TYW1: variants seen among roughly 807,000 people sequenced by gnomAD.
TYW1 encodes tRNA-yW synthesizing protein 1 homolog.
Under a neutral mutation model 96.2 loss-of-function variants are expected in TYW1, and 46 were observed. The observed-to-expected ratio is 0.48, with a 90% CI of 0.38 to 0.61. The LOEUF (loss-of-function observed/expected upper bound fraction) is 0.61. Among genes scored for constraint, TYW1 ranks in the 20% least tolerant of loss-of-function variants. The probability of loss-of-function intolerance (pLI) is 0.00; values close to 1 mark genes in which losing one functional copy is unlikely to be tolerated. For synonymous variants in TYW1, 274 were observed against 323.0 expected (o/e 0.85, Z 1.63); for missense variants, 684 against 909.6 (o/e 0.75, Z 3.19).
chr7:67,102,800 C>T (rs895508674), intron 12 of TYW1, among the ~76,000 whole-genome samples: 12 of 152,060 alleles, frequency 7.9e-5, no homozygotes, highest in Admixed American at 7.2e-4. Context: ...TACAGGCACC[C>T]ACCACCACAC....
At chr7:67,100,034 A>G (rs1288576042) in intron 12 of TYW1, among the ~76,000 whole-genome samples, 1 of 151,992 alleles carries the variant, frequency 6.6e-6, no homozygotes, top group Non-Finnish European at 1.5e-5. Context: ...AAGGATTGCT[A>G]GGTATGATTG....
At chr7:67,002,011 G>A (rs1320028850) in intron 3 of TYW1, among the ~76,000 whole-genome samples, 1 of 150,712 alleles carries the variant, frequency 6.6e-6, no homozygotes, top group Non-Finnish European at 1.5e-5. Context: ...TCCAGCCTGG[G>A]CAGCAGAGTG....
intron 6 of TYW1, among the ~76,000 whole-genome samples, chr7:67,020,124 C>G (rs1050372204): frequency 6.6e-6 from 1 of 152,276 alleles, no homozygotes; most frequent in African/African-American, 2.4e-5. Context: ...GCCTATAATC[C>G]CAACACTTTG....
chr7:67,009,406 G>C (rs562684182), intron 3 of TYW1, among the ~76,000 whole-genome samples, 177 bp from the exon 4 acceptor site: 1 of 152,178 alleles, frequency 6.6e-6, no homozygotes. Context: ...AATGATCTCT[G>C]TAATGGTGCC....
At chr7:67,042,433 A>T (rs932674197) in intron 7 of TYW1, among the ~76,000 whole-genome samples, 1 of 152,076 alleles carries the variant, frequency 6.6e-6, no homozygotes, top group Non-Finnish European at 1.5e-5. Context: ...TGTTAGGGAG[A>T]CAGATGGAGA....
At position 67,148,570 on chromosome 7, in the gene TYW1, C is replaced by T. The variant is rs200807214; in HGVS notation, c.1698+30952C>T. Reference sequence around the variant, plus strand: ...CCTCCCGAGTAGCTGGGACTACAGGCGCCTGCCACCACGCCCGGCTAATTT... The same window carrying T: ...CCTCCCGAGTAGCTGGGACTACAGGTGCCTGCCACCACGCCCGGCTAATTT... On this transcript the variant is annotated intron_variant, in intron 13 of 15. Transcript: ENST00000359626. 6.1e-4 allele frequency among the ~76,000 whole-genome samples: 93 copies of T among 151,480 alleles called. No individual in the cohort carries two copies. In the East Asian group the frequency reaches 0.014, roughly 24 times the overall value.
At chr7:67,087,003 T>G (rs1796569240) in intron 11 of TYW1, among the ~76,000 whole-genome samples, 1 of 152,192 alleles carries the variant, frequency 6.6e-6, no homozygotes, top group Non-Finnish European at 1.5e-5. Context: ...GAATGAACTG[T>G]GTCTCGGGCA....
intron 15 of TYW1, among the ~76,000 whole-genome samples, chr7:67,222,869 T>C (rs1801440751): frequency 8.7e-6 from 1 of 115,446 alleles, no homozygotes; most frequent in Non-Finnish European, 1.8e-5. Flanking sequence ...TTTTTTTCTT[T>C]TTTTTTTTTT....
At chr7:67,091,167 G>A (rs13225856) in intron 11 of TYW1, among the ~76,000 whole-genome samples, 1 of 151,844 alleles carries the variant, frequency 6.6e-6, no homozygotes, top group East Asian at 1.9e-4. Flanking sequence ...ACCAACCCAA[G>A]TGTCCATCAA....
chr7:67,210,545 T>C (rs560068101), intron 15 of TYW1, among the ~76,000 whole-genome samples: 8 of 152,356 alleles, frequency 5.3e-5, no homozygotes, highest in African/African-American at 1.4e-4. Flanking sequence ...AGAGTATCTA[T>C]GTAAGTTATT....
chr7:67,236,190 C>T (rs1281300109), intron 15 of TYW1, among the ~76,000 whole-genome samples: 1 of 152,142 alleles, frequency 6.6e-6, no homozygotes. Flanking sequence ...GTGAGTTAGA[C>T]AGAGGGAACA....
rs560587352 is a variant in TYW1, at chr7:67,132,061, C to A, written c.1698+14443C>A. 1.1e-3 allele frequency among the ~76,000 whole-genome samples: 163 copies of A among 152,058 alleles called. 1 individual carries two copies. Among genetic ancestry groups the A allele is most frequent in the African/African-American group, 3.7e-3 (154 of 41,406 alleles). ...TTAATCTCCTTTGGCAACACCCTCA[C>A]AGACACACCCAGGAGCAATACTTTG... On this transcript the variant is annotated intron_variant, in intron 13 of 15. Coordinates refer to ENST00000359626, the MANE Select transcript of TYW1 (RefSeq NM_018264.4).
At chr7:67,227,616 G>C (rs1197728984) in intron 15 of TYW1, among the ~76,000 whole-genome samples, 2 of 151,912 alleles carry the variant, frequency 1.3e-5, no homozygotes, top group Non-Finnish European at 2.9e-5. Flanking sequence ...TTTGGGCCAT[G>C]CAGTTATTGG....
intron 6 of TYW1, among the ~76,000 whole-genome samples, chr7:67,023,763 A>G (rs1285890582): frequency 2.0e-5 from 3 of 151,982 alleles, no homozygotes; most frequent in Non-Finnish European, 4.4e-5. Flanking sequence ...GCAAGACTCA[A>G]CAACAACAAC....
In TYW1 at chr7:67,239,037, C is replaced by T. The variant is rs369720629; in HGVS notation, c.*508C>T. On this transcript the variant is annotated 3_prime_UTR_variant, in exon 16 of 16. Transcript: ENST00000359626. ...TAAGACAGCACCTCCTGAAAAGAAT[C>T]GAAGTTGTCACAACTCTCAATTATT... 1.3e-5 allele frequency: 13 copies of T among 987,792 alleles called. No homozygotes were observed. Among genetic ancestry groups the T allele is most frequent in the Admixed American group, 5.9e-5 (1 of 16,996 alleles). 61.2% of individuals were successfully genotyped at this position (987,792 alleles called of 1,614,324 possible). A position where few individuals can be genotyped will look rare whatever the true frequency, so the allele number is the denominator to read the frequency against.
At chr7:67,070,892 G>A (rs779261578) in intron 10 of TYW1, among the ~76,000 whole-genome samples, 3 of 152,018 alleles carry the variant, frequency 2.0e-5, no homozygotes, top group Non-Finnish European at 4.4e-5. Context: ...AGCACTTTGG[G>A]AGGCTGAGGT....
intron 4 of TYW1, among the ~76,000 whole-genome samples, chr7:67,012,459 C>T (rs987751611): frequency 8.5e-5 from 13 of 152,094 alleles, no homozygotes; most frequent in African/African-American, 3.1e-4. Flanking sequence ...TTCTTTGTCC[C>T]CCAAGAAAAT....
intron 15 of TYW1, among the ~76,000 whole-genome samples, chr7:67,220,771 CTT>C (rs1801363813): frequency 1.4e-5 from 2 of 143,546 alleles, no homozygotes; most frequent in African/African-American, 2.6e-5. Context: ...GAGTTTTGCT[CTT>C]GTTGCCCAGG....
intron 10 of TYW1, among the ~76,000 whole-genome samples, chr7:67,072,584 T>G (rs1474225190): frequency 5.3e-5 from 8 of 151,816 alleles, no homozygotes; most frequent in Non-Finnish European, 1.0e-4. Context: ...TATTATAGAT[T>G]TTTTTTTAAC....
Sources: allele counts gnomAD v4.1 joint callset (sites outside exome capture counted in the v4.1 genomes callset), GRCh38; gene constraint gnomAD v4.1.1; transcripts MANE v1.5; gene names NCBI Gene and HGNC (gene_info 2026-07-23, HGNC 2026-07-21).